WDPCP: variants seen among roughly 807,000 people sequenced by gnomAD.
WDPCP encodes WD repeat-containing and planar cell polarity effector protein fritz homolog.
In WDPCP, 71 loss-of-function variants were observed where a neutral mutation model predicts 93.1. That is an observed-to-expected ratio of 0.76 (90% CI 0.63 to 0.93). WDPCP has a LOEUF of 0.93. WDPCP is among the 40% of genes least tolerant of loss of function. WDPCP has a pLI of 0.00. For synonymous variants in WDPCP, 315 were observed against 315.0 expected (o/e 1.00, Z 0.00); for missense variants, 844 against 887.4 (o/e 0.95, Z 0.62).
intron 2 of WDPCP, among the ~76,000 whole-genome samples, chr2:63,796,383 G>T (rs1262281318): frequency 6.6e-6 from 1 of 152,216 alleles, no homozygotes; most frequent in Non-Finnish European, 1.5e-5. Flanking sequence ...ACTTAAAAAG[G>T]CATCTTCATA....
intron 14 of WDPCP, among the ~76,000 whole-genome samples, chr2:63,237,083 C>T (rs2104609304): frequency 6.6e-6 from 1 of 151,674 alleles, no homozygotes; most frequent in South Asian, 2.1e-4. Context: ...CAAACTACAC[C>T]TCCAACAAAG....
intron 1 of WDPCP, among the ~76,000 whole-genome samples, chr2:63,537,150 A>G (rs962368628): frequency 1.3e-5 from 2 of 151,870 alleles, no homozygotes; most frequent in Admixed American, 6.6e-5. Flanking sequence ...AGCACCAACC[A>G]CCTAGTTATC....
rs138702521 is a variant in WDPCP at position 63,825,693 on chromosome 2, G to C, written n.222+1929C>G. On this transcript the variant is annotated intron_variant and non_coding_transcript_variant, in intron 1 of 4. Transcript: ENST00000467687. ...TTGATGGAGACTCCATCTCAAAAGTGAACTTTAATCATGTGACAGGGGAAA... is the reference window on the plus strand; with the variant it reads ...TTGATGGAGACTCCATCTCAAAAGTCAACTTTAATCATGTGACAGGGGAAA... Among the ~76,000 whole-genome samples, 3 of 152,066 alleles carry C rather than the reference G, an allele frequency of 2.0e-5. No homozygotes were observed. The East Asian group carries it at 5.8e-4, about 29-fold the overall frequency.
chr2:63,139,756 G>C (rs1670918886), intron 17 of WDPCP, among the ~76,000 whole-genome samples: 1 of 152,186 alleles, frequency 6.6e-6, no homozygotes, highest in Non-Finnish European at 1.5e-5. Context: ...CTCCCACTCT[G>C]TGGGTTGTCT....
At position 63,705,260 on chromosome 2, in the gene WDPCP, C is replaced by T. The variant is rs1461895962; in HGVS notation, n.309-54422G>A. 2.0e-5 allele frequency among the ~76,000 whole-genome samples: 3 copies of T among 152,178 alleles called. No individual in the cohort carries two copies. The East Asian group carries it at 5.8e-4, about 29-fold the overall frequency. ...TTTTCAAAAAAGCAGCTCCTGGATA[C>T]ATTGATTTTTTGAAGGGTTTTTTGT... On this transcript the variant is annotated intron_variant and non_coding_transcript_variant, in intron 2 of 4. Transcript: ENST00000467687.
In WDPCP at chr2:63,313,292, C is replaced by A; in HGVS notation, c.1768G>T (p.Ala590Ser). 6.2e-7 allele frequency: 1 copy of A among 1,613,558 alleles called. No homozygotes were observed. Among genetic ancestry groups the A allele is most frequent in the Non-Finnish European group, 8.5e-7 (1 of 1,179,690 alleles). The change falls in exon 13 of 18, where the codon GCA (alanine) becomes TCA (serine). Residue 590 changes from alanine to serine, a missense_variant. Coordinates refer to ENST00000272321, the MANE Select transcript of WDPCP (RefSeq NM_015910.7). ...CCAACGTCAACAGCTAGGAGAAATG[C>A]CTTTTCAAACCTCTGGTACCTACAA... ...HLLRYQRFEK[A>S]FLLAVDVGAR...
chr2:63,357,071 A>G (rs1295933908), intron 12 of WDPCP, among the ~76,000 whole-genome samples: 1 of 152,234 alleles, frequency 6.6e-6, no homozygotes, highest in East Asian at 1.9e-4. Flanking sequence ...GGCTAGCCAT[A>G]TGCAGAAGAT....
intron 13 of WDPCP, among the ~76,000 whole-genome samples, chr2:63,262,028 T>C (rs955789841): frequency 6.6e-6 from 1 of 152,176 alleles, no homozygotes; most frequent in African/African-American, 2.4e-5. Flanking sequence ...TAGATCCTTA[T>C]ATTCAGAGAA....
intron 3 of WDPCP, among the ~76,000 whole-genome samples, chr2:63,621,538 C>T (rs998289249): frequency 6.6e-6 from 1 of 152,044 alleles, no homozygotes; most frequent in Non-Finnish European, 1.5e-5. Context: ...AATGACTAAA[C>T]TTACGTTTGA....
At chr2:63,732,440 A>G (rs930977339) in intron 2 of WDPCP, among the ~76,000 whole-genome samples, 1 of 152,240 alleles carries the variant, frequency 6.6e-6, no homozygotes, top group East Asian at 1.9e-4. Flanking sequence ...GTATCTTTCC[A>G]TAAGATAAAA....
At chr2:63,800,647 C>G (rs967083615) in intron 2 of WDPCP, among the ~76,000 whole-genome samples, 1 of 152,070 alleles carries the variant, frequency 6.6e-6, no homozygotes, top group Non-Finnish European at 1.5e-5. Context: ...TTTTTTAAAG[C>G]GATATCTAAA....
intron 1 of WDPCP, among the ~76,000 whole-genome samples, chr2:63,527,912 C>T (rs1703474709): frequency 6.6e-6 from 1 of 152,062 alleles, no homozygotes; most frequent in South Asian, 2.1e-4. Context: ...GATCGCCATT[C>T]TAACTGGTGT....
At chr2:63,651,381 A>G (rs1334967669) in intron 2 of WDPCP, among the ~76,000 whole-genome samples, 5 of 152,192 alleles carry the variant, frequency 3.3e-5, no homozygotes. Flanking sequence ...ACTCTGGTCT[A>G]GAGATGTCAG....
chr2:63,455,919 G>A (rs1013507948), intron 6 of WDPCP, among the ~76,000 whole-genome samples: 5 of 152,102 alleles, frequency 3.3e-5, no homozygotes, highest in African/African-American at 1.2e-4. Context: ...GATTAGACAT[G>A]TTAGGCCACA....
chr2:63,322,511 C>G (rs1329384822), intron 12 of WDPCP, among the ~76,000 whole-genome samples: 1 of 152,308 alleles, frequency 6.6e-6, no homozygotes, highest in East Asian at 1.9e-4. Context: ...CATGAACCCA[C>G]TGGGAGGAAG....
chr2:63,262,253 G>C (rs1475933495), intron 13 of WDPCP, among the ~76,000 whole-genome samples: 1 of 151,930 alleles, frequency 6.6e-6, no homozygotes, highest in African/African-American at 2.4e-5. Flanking sequence ...CAAAAAATAT[G>C]CAATACATTT....
chr2:63,744,201 T>G (rs1669762234), intron 2 of WDPCP, among the ~76,000 whole-genome samples: 1 of 152,116 alleles, frequency 6.6e-6, no homozygotes, highest in Admixed American at 6.6e-5. Context: ...AGCAGAATAT[T>G]CATACTTTAC....
chr2:63,220,583 G>T (rs1049082855), intron 14 of WDPCP, among the ~76,000 whole-genome samples: 2 of 152,008 alleles, frequency 1.3e-5, no homozygotes, highest in Admixed American at 1.3e-4. Flanking sequence ...TCTAGCTGTC[G>T]ATTGGCAAGG....
chr2:63,575,501 ATATACACTGTATATATAG>A (rs1708016977), intron 1 of WDPCP, among the ~76,000 whole-genome samples: 1 of 7,038 alleles, frequency 1.4e-4, no homozygotes, highest in African/African-American at 6.8e-4. Context: ...TATATACAGT[ATATACACTGTATATATAG>A]TATATACAGT....
Sources: gnomAD v4.1 joint callset for allele counts (sites outside exome capture counted in the v4.1 genomes callset) on GRCh38, gnomAD v4.1.1 for gene constraint, MANE v1.5 for transcripts, NCBI Gene and HGNC (gene_info 2026-07-23, HGNC 2026-07-21) for gene names.